DNAJC1: variants seen among roughly 807,000 people sequenced by gnomAD.
DNAJC1 encodes DnaJ heat shock protein family (Hsp40) member C1.
In DNAJC1, 58 loss-of-function variants were observed where a neutral mutation model predicts 76.6. That is an observed-to-expected ratio of 0.76 (90% CI 0.61 to 0.94). The LOEUF (loss-of-function observed/expected upper bound fraction) is 0.94, where lower values mean the gene tolerates loss of function less well. Ranked by LOEUF, DNAJC1 falls within the 40% of genes least tolerant of loss-of-function variation. The pLI, the probability that DNAJC1 is intolerant of heterozygous loss-of-function variation, is 0.00. For synonymous variants in DNAJC1, 258 were observed against 267.9 expected, an observed-to-expected ratio of 0.96 and a Z score of 0.36; for missense variants, 689 against 677.3, an observed-to-expected ratio of 1.02 and a Z score of -0.19.
intron 1 of DNAJC1, among the ~76,000 whole-genome samples, chr10:21,934,623 T>G (rs924091378): frequency 5.3e-5 from 8 of 152,220 alleles, no homozygotes; most frequent in African/African-American, 1.9e-4. Flanking sequence ...ACACAAATAC[T>G]TTTGTGTTAC....
intron 6 of DNAJC1, among the ~76,000 whole-genome samples, chr10:21,913,764 G>C (rs536948294): frequency 6.6e-6 from 1 of 152,228 alleles, no homozygotes; most frequent in South Asian, 2.1e-4. Context: ...GAAACAGACT[G>C]GTAAGATGTC....
intron 9 of DNAJC1, among the ~76,000 whole-genome samples, chr10:21,795,342 C>T (rs1010838844): frequency 5.5e-4 from 83 of 152,164 alleles, no homozygotes; most frequent in Admixed American, 5.1e-3. Context: ...TGCTACAACA[C>T]GGATGAACTT....
At chr10:21,966,692 T>G (rs1212164116) in intron 1 of DNAJC1, among the ~76,000 whole-genome samples, 5 of 151,514 alleles carry the variant, frequency 3.3e-5, no homozygotes, top group African/African-American at 4.8e-5. Context: ...TTCTTCTTTT[T>G]TTTTTTTTTT....
chr10:21,954,023 T>C (rs1459093095), intron 1 of DNAJC1, among the ~76,000 whole-genome samples: 1 of 151,998 alleles, frequency 6.6e-6, no homozygotes, highest in East Asian at 1.9e-4. Context: ...CAATCTAAAA[T>C]TTTTTCTGGG....
chr10:21,972,664 G>C (rs1261006683), intron 1 of DNAJC1, among the ~76,000 whole-genome samples: 1 of 151,894 alleles, frequency 6.6e-6, no homozygotes, highest in Non-Finnish European at 1.5e-5. Context: ...ATTCCTATTT[G>C]TCCAGTATAA....
chr10:21,877,299 C>T (rs200866386), intron 8 of DNAJC1, among the ~76,000 whole-genome samples: 35 of 149,712 alleles, frequency 2.3e-4, no homozygotes, highest in East Asian at 7.8e-4. Context: ...TATATATATA[C>T]ATATATATAT....
At chr10:21,993,940 A>G (rs1227868057) in intron 1 of DNAJC1, among the ~76,000 whole-genome samples, 2 of 152,146 alleles carry the variant, frequency 1.3e-5, no homozygotes, top group Non-Finnish European at 2.9e-5. Flanking sequence ...CCACGAAGTA[A>G]TAAGTAGTCC....
rs1836713943 is a variant in DNAJC1, at chr10:21,904,630, T to G, written c.730-18A>C. On this transcript the variant is annotated intron_variant, in intron 6 of 11. Coordinates refer to ENST00000376980, the MANE Select transcript of DNAJC1 (RefSeq NM_022365.4). The stretch of plus-strand genomic sequence containing the variant: ...CCAGCATCCTTAAGAAAAAAAGTTA[T>G]ACATAAATTAACATAAAAATCAGTG... 1 of 1,475,500 alleles carries G rather than the reference T, an allele frequency of 6.8e-7. No individual in the cohort carries two copies. Among genetic ancestry groups the G allele is most frequent in the Admixed American group, 1.8e-5 (1 of 54,328 alleles). The allele number at this position is 1,475,500 out of a possible 1,614,324, so 91.4% of individuals were successfully genotyped here.
Position 21,762,961 on chromosome 10 carries a change from G to A in DNAJC1, c.1147+3300C>T, listed in dbSNP as rs542610554. 1.1e-3 allele frequency among the ~76,000 whole-genome samples: 170 copies of A among 152,126 alleles called. No homozygotes were observed. In the South Asian group the frequency reaches 0.018, roughly 17 times the overall value. On this transcript the variant is annotated intron_variant, in intron 10 of 11. Transcript: ENST00000376980. The stretch of plus-strand genomic sequence containing the variant: ...TTTTTTTGTTTTTTGAGCCAGTCTC[G>A]CTCTGTTGCCCAGGCTGGAAGTTCA...
At chr10:21,884,468 T>A (rs1045339754) in intron 7 of DNAJC1, among the ~76,000 whole-genome samples, 1 of 152,190 alleles carries the variant, frequency 6.6e-6, no homozygotes, top group Non-Finnish European at 1.5e-5. Context: ...AATGTATTAT[T>A]CTATTAGAGC....
At chr10:21,791,375 C>A (rs1008902044) in intron 9 of DNAJC1, among the ~76,000 whole-genome samples, 6 of 152,204 alleles carry the variant, frequency 3.9e-5, no homozygotes, top group Non-Finnish European at 8.8e-5. Flanking sequence ...ATTTGAATTG[C>A]ATCTTAGACC....
intron 8 of DNAJC1, among the ~76,000 whole-genome samples, chr10:21,845,439 C>G (rs1228425234): frequency 7.9e-5 from 12 of 151,142 alleles, no homozygotes; most frequent in African/African-American, 2.9e-4. Context: ...ACTGCAACCT[C>G]CGCCTCCAGG....
rs191375600 is a variant in DNAJC1 at position 21,766,682 on chromosome 10, C to T, written c.1099-373G>A. ...GGGGGCTGCCTCTTAAAAGATACTA[C>T]TTTCAAGGCCGGGCATGGTGGCTCA... On this transcript the variant is annotated intron_variant, in intron 9 of 11. Transcript: ENST00000376980. Among the ~76,000 whole-genome samples, 299 of 152,124 alleles carry T rather than the reference C, an allele frequency of 2.0e-3. 1 individual carries two copies. The highest frequency in any genetic ancestry group is 6.8e-3 in the African/African-American group (281 of 41,496).
chr10:21,959,800 C>CAAAAAA (rs199556961), intron 1 of DNAJC1, among the ~76,000 whole-genome samples: 3 of 138,916 alleles, frequency 2.2e-5, no homozygotes, highest in African/African-American at 2.7e-5. Flanking sequence ...AAAACAAAAA[C>CAAAAAA]AAAAAAAAAA....
At chr10:21,862,284 G>A (rs1835928540) in intron 8 of DNAJC1, among the ~76,000 whole-genome samples, 1 of 151,986 alleles carries the variant, frequency 6.6e-6, no homozygotes, top group African/African-American at 2.4e-5. Flanking sequence ...TTTGTTGTGT[G>A]AGATTCAAGA....
chr10:21,826,870 G>A (rs900590904), intron 8 of DNAJC1, among the ~76,000 whole-genome samples: 3 of 151,672 alleles, frequency 2.0e-5, no homozygotes, highest in African/African-American at 7.3e-5. Flanking sequence ...ATATCTGTCT[G>A]TATGTCAGTA....
intron 6 of DNAJC1, among the ~76,000 whole-genome samples, chr10:21,907,323 C>A (rs893482863): frequency 6.9e-6 from 1 of 145,068 alleles, no homozygotes; most frequent in African/African-American, 2.5e-5. Flanking sequence ...TTTTTTTTTT[C>A]ATATCTTACC....
intron 1 of DNAJC1, among the ~76,000 whole-genome samples, chr10:21,957,195 T>A (rs1232666666): frequency 1.3e-5 from 2 of 152,060 alleles, no homozygotes; most frequent in Non-Finnish European, 2.9e-5. Context: ...TGACCAGAAT[T>A]CTTTGTAATA....
intron 8 of DNAJC1, among the ~76,000 whole-genome samples, chr10:21,842,987 T>C (rs1250109273): frequency 6.6e-6 from 1 of 152,172 alleles, no homozygotes; most frequent in Non-Finnish European, 1.5e-5. Flanking sequence ...ATTAGTTGAA[T>C]AAATAAAAAG....
Sources: allele counts gnomAD v4.1 joint callset (sites outside exome capture counted in the v4.1 genomes callset), GRCh38; gene constraint gnomAD v4.1.1; transcripts MANE v1.5; gene names NCBI Gene and HGNC (gene_info 2026-07-23, HGNC 2026-07-21).